Variants in FGF14 observed in about 807,000 individuals in gnomAD.
FGF14 encodes the protein fibroblast growth factor homologous factor 4.
A neutral mutation model predicts 25.5 loss-of-function variants in FGF14; 5 were observed. The ratio of observed to expected loss-of-function variants is 0.20; its 90% CI spans 0.10 to 0.41. The LOEUF (loss-of-function observed/expected upper bound fraction) is 0.41. Among genes scored for constraint, FGF14 ranks in the 10% least tolerant of loss-of-function variants. The pLI, the probability that FGF14 is intolerant of heterozygous loss-of-function variation, is 1.00. For missense variants in FGF14, 222 were observed against 320.1 expected (o/e 0.69, Z 2.34); for synonymous variants, 138 against 118.3 (o/e 1.17, Z -1.08).
chr13:101,725,435 TA>T (rs975721882), intron 4 of FGF14, among the ~76,000 whole-genome samples: 1 of 152,054 alleles, frequency 6.6e-6, no homozygotes, highest in African/African-American at 2.4e-5. Context: ...TGGGTTTCAA[TA>T]AATTGTTCTA....
At chr13:102,092,991 G>C (rs1015685842) in intron 1 of FGF14, among the ~76,000 whole-genome samples, 5 of 152,128 alleles carry the variant, frequency 3.3e-5, no homozygotes, top group Non-Finnish European at 7.4e-5. Context: ...ACACATGCGT[G>C]GTTGATATAC....
intron 3 of FGF14, among the ~76,000 whole-genome samples, chr13:101,864,471 G>A (rs181078168): frequency 6.6e-6 from 1 of 151,978 alleles, no homozygotes; most frequent in African/African-American, 2.4e-5. Context: ...AGTGAGGGAG[G>A]GTGACCCTTA....
At chr13:102,367,863 C>A (rs1016083455) in intron 1 of FGF14, 1 of 152,308 alleles carries the variant, frequency 6.6e-6, no homozygotes, top group Admixed American at 6.5e-5. Flanking sequence ...AGCCTGCCCA[C>A]GGTGCGGTGA....
At chr13:102,363,214 T>C (rs1384734915) in intron 1 of FGF14, among the ~76,000 whole-genome samples, 1 of 152,216 alleles carries the variant, frequency 6.6e-6, no homozygotes, top group East Asian at 1.9e-4. Context: ...AAATTCAAAT[T>C]GAATGGCTAA....
intron 1 of FGF14, among the ~76,000 whole-genome samples, chr13:102,136,446 C>A (rs1315621492): frequency 6.6e-6 from 1 of 151,418 alleles, no homozygotes; most frequent in Non-Finnish European, 1.5e-5. Flanking sequence ...GAGCTCATGC[C>A]TCCCATAACA....
At chr13:101,870,375 G>A (rs754386583) in intron 2 of FGF14, among the ~76,000 whole-genome samples, 4 of 151,920 alleles carry the variant, frequency 2.6e-5, no homozygotes, top group Admixed American at 6.6e-5. Context: ...ACAAAATTTT[G>A]GAGGGAAAAC....
chr13:101,864,687 G>T (rs546872736), intron 3 of FGF14, among the ~76,000 whole-genome samples: 147 of 152,150 alleles, frequency 9.7e-4, no homozygotes, highest in African/African-American at 3.3e-3. Context: ...ATACAATCTG[G>T]TTAACAGATT....
chr13:101,787,065 G>C (rs1291245989), intron 3 of FGF14, among the ~76,000 whole-genome samples: 1 of 152,000 alleles, frequency 6.6e-6, no homozygotes. Context: ...CAGAATCCAA[G>C]GCTAATTCTG....
rs1291212131 is a variant in FGF14 at position 102,276,351 on chromosome 13, G to GTATA, written c.208+125119_208+125120insTATA. ...CACGTACGTGTGTGTGTGTGTGTGTGTGTATATATATATATATATATATAT... is the reference window on the plus strand; with the variant it reads ...CACGTACGTGTGTGTGTGTGTGTGTGTATATGTATATATATATATATATATATAT... On this transcript the variant is annotated intron_variant, in intron 1 of 4. Coordinates refer to the FGF14 transcript ENST00000376131. 2.5e-3 allele frequency among the ~76,000 whole-genome samples: 105 copies of GTATA among 41,642 alleles called. 1 individual carries two copies. Among genetic ancestry groups the GTATA allele is most frequent in the African/African-American group, 6.3e-3 (95 of 15,088 alleles). The allele number at this position is 41,642 out of a possible 152,430, so 27.3% of individuals were successfully genotyped here. A position where few individuals can be genotyped will look rare whatever the true frequency, so the allele number is the denominator to read the frequency against.
chr13:102,081,124 A>G (rs757524830), intron 1 of FGF14, among the ~76,000 whole-genome samples: 16 of 152,234 alleles, frequency 1.1e-4, no homozygotes, highest in Non-Finnish European at 2.4e-4. Flanking sequence ...ACAAACCATA[A>G]AAGATACCTG....
intron 3 of FGF14, among the ~76,000 whole-genome samples, chr13:101,736,633 T>C (rs1184001201): frequency 6.6e-6 from 1 of 152,200 alleles, no homozygotes; most frequent in Non-Finnish European, 1.5e-5. Flanking sequence ...GATATGAATG[T>C]ACATCCAATT....
intron 1 of FGF14, among the ~76,000 whole-genome samples, chr13:102,169,175 T>C (rs543962990): frequency 4.0e-4 from 60 of 151,754 alleles, no homozygotes; most frequent in African/African-American, 1.3e-3. Flanking sequence ...TCAGCAAGGC[T>C]GCTCTCATTT....
chr13:101,804,433 C>G (rs1029447302), intron 3 of FGF14, among the ~76,000 whole-genome samples: 5 of 152,160 alleles, frequency 3.3e-5, no homozygotes, highest in Non-Finnish European at 7.4e-5. Context: ...AACTCACAGA[C>G]ACTCCTACAC....
intron 1 of FGF14, among the ~76,000 whole-genome samples, chr13:102,124,464 T>C (rs1021568155): frequency 6.6e-6 from 1 of 152,084 alleles, no homozygotes; most frequent in Non-Finnish European, 1.5e-5. Flanking sequence ...ATGCAGCTAT[T>C]AAAAATTAGA....
chr13:102,124,735 T>C (rs644703), intron 1 of FGF14, among the ~76,000 whole-genome samples: 4,065 of 152,172 alleles, frequency 0.027, 184 homozygotes, highest in African/African-American at 0.093. Context: ...TCCTTTTGTC[T>C]TTCTCTAGCA....
chr13:101,956,867 C>T (rs890704964), intron 1 of FGF14, among the ~76,000 whole-genome samples: 4 of 151,008 alleles, frequency 2.6e-5, no homozygotes, highest in East Asian at 1.9e-4. Context: ...GAAAAAGAGA[C>T]GTCCTTCCTT....
intron 3 of FGF14, among the ~76,000 whole-genome samples, chr13:101,829,701 A>C (rs891768449): frequency 6.6e-5 from 10 of 152,100 alleles, no homozygotes; most frequent in African/African-American, 2.2e-4. Flanking sequence ...TTCAGAAATA[A>C]CTGCCTTGGT....
chr13:102,108,449 C>T (rs144903428), intron 1 of FGF14, among the ~76,000 whole-genome samples: 101 of 152,216 alleles, frequency 6.6e-4, no homozygotes, highest in African/African-American at 1.8e-3. Context: ...ATGTCTCCTA[C>T]GGGGAGACGT....
intron 1 of FGF14, among the ~76,000 whole-genome samples, chr13:102,384,544 C>T (rs1162056608): frequency 6.6e-6 from 1 of 152,172 alleles, no homozygotes; most frequent in Non-Finnish European, 1.5e-5. Flanking sequence ...CTCAATCATT[C>T]TTTGTGAGTC....
Sources: gnomAD v4.1 joint callset for allele counts (sites outside exome capture counted in the v4.1 genomes callset) on GRCh38, gnomAD v4.1.1 for gene constraint, MANE v1.5 for transcripts, NCBI Gene and HGNC (gene_info 2026-07-23, HGNC 2026-07-21) for gene names.